Variants in ZNF618 observed in about 807,000 individuals in gnomAD.
ZNF618 encodes the protein zinc finger protein 618, also known as neural precursor cell expressed, developmentally down-regulated 10.
Under a neutral mutation model 103.0 loss-of-function variants are expected in ZNF618, and 34 were observed. The ratio of observed to expected loss-of-function variants is 0.33; its 90% confidence interval spans 0.25 to 0.44. The LOEUF (loss-of-function observed/expected upper bound fraction) is 0.44. Ranked by LOEUF, ZNF618 falls within the 20% of genes least tolerant of loss-of-function variation. The probability of loss-of-function intolerance (pLI) is 1.00; values close to 1 mark genes in which losing one functional copy is unlikely to be tolerated. For synonymous variants in ZNF618, 551 were observed against 542.2 expected (o/e 1.02, Z -0.23); for missense variants, 1,059 against 1,295.4 (o/e 0.82, Z 2.80).
chr9:113,897,143 C>T (rs1379952710), intron 1 of ZNF618, among the ~76,000 whole-genome samples: 2 of 152,046 alleles, frequency 1.3e-5, no homozygotes, highest in African/African-American at 4.8e-5. Flanking sequence ...AACTTACCCC[C>T]GTTTATATTT....
chr9:114,005,707 A>G (rs758576933), intron 6 of ZNF618, among the ~76,000 whole-genome samples: 21 of 152,198 alleles, frequency 1.4e-4, no homozygotes, highest in Non-Finnish European at 2.5e-4. Context: ...GGGTTGCAAA[A>G]GAGACACTGG....
At chr9:113,906,829 G>A (rs117569441) in intron 1 of ZNF618, among the ~76,000 whole-genome samples, 4,095 of 152,332 alleles carry the variant, frequency 0.027, 88 homozygotes, top group Middle Eastern at 0.054. Flanking sequence ...GTATTGGCAT[G>A]CCTACTGAAA....
chr9:113,934,345 C>T (rs13290326), intron 1 of ZNF618, among the ~76,000 whole-genome samples: 70,014 of 151,844 alleles, frequency 0.46, 16,430 homozygotes, highest in Non-Finnish European at 0.5. Context: ...CTCTGGGGTG[C>T]CCCAGGCCCA....
chr9:113,942,341 T>C (rs1181495598), intron 1 of ZNF618, among the ~76,000 whole-genome samples: 1 of 152,166 alleles, frequency 6.6e-6, no homozygotes, highest in African/African-American at 2.4e-5. Flanking sequence ...CTTCCCTCTC[T>C]TCTTTTTTTC....
intron 2 of ZNF618, among the ~76,000 whole-genome samples, chr9:113,975,387 T>A (rs1838379731): frequency 6.6e-6 from 1 of 152,382 alleles, no homozygotes; most frequent in Middle Eastern, 3.4e-3. Flanking sequence ...TTTTATCTGA[T>A]AACCACATGT....
At chr9:113,912,878 C>G (rs548408670) in intron 1 of ZNF618, among the ~76,000 whole-genome samples, 3 of 152,234 alleles carry the variant, frequency 2.0e-5, no homozygotes, top group African/African-American at 7.2e-5. Context: ...GCAACAGTTA[C>G]GAGGATTTTC....
intron 1 of ZNF618, among the ~76,000 whole-genome samples, chr9:113,968,019 C>A (rs1364202001): frequency 6.6e-6 from 1 of 152,158 alleles, no homozygotes; most frequent in Non-Finnish European, 1.5e-5. Flanking sequence ...TTCTCGTAAG[C>A]ACTCATCAAA....
At chr9:114,033,416 A>AGAGAGG (rs1564327159) in intron 12 of ZNF618, among the ~76,000 whole-genome samples, 1 of 149,664 alleles carries the variant, frequency 6.7e-6, no homozygotes, top group Non-Finnish European at 1.5e-5. Context: ...AGAGAGAGAG[A>AGAGAGG]GAGAGCTGTG....
rs73556423 is a variant in ZNF618, at chr9:113,968,979, G to A, written c.34-138G>A. ...TGGGCACAAGTTTGTCCAGCCTGGA[G>A]GAGCGGGACAGGGGCTTGTGGCCAG... On this transcript the variant is annotated intron_variant, in intron 1 of 14. Coordinates refer to ENST00000374126, the MANE Select transcript of ZNF618 (RefSeq NM_001318042.2). 11,330 of 945,112 alleles carry A rather than the reference G, an allele frequency of 0.012. 553 individuals carry two copies. The African/African-American group carries it at 0.13, about 11-fold the overall frequency. 58.5% of individuals were successfully genotyped at this position (945,112 alleles called of 1,614,324 possible). A position where few individuals can be genotyped will look rare whatever the true frequency, so the allele number is the denominator to read the frequency against.
chr9:114,016,525 G>A (rs1216269233), intron 9 of ZNF618, among the ~76,000 whole-genome samples, 170 bp from the exon 10 acceptor site: 1 of 152,128 alleles, frequency 6.6e-6, no homozygotes, highest in Non-Finnish European at 1.5e-5. Context: ...TACCCAGCTC[G>A]AAATGTCTGA....
At chr9:113,959,370 T>A (rs1163809071) in intron 1 of ZNF618, among the ~76,000 whole-genome samples, 1 of 152,078 alleles carries the variant, frequency 6.6e-6, no homozygotes, top group Non-Finnish European at 1.5e-5. Flanking sequence ...TGAAACAACA[T>A]TTAGAACACT....
At chr9:113,955,549 C>A (rs570789753) in intron 1 of ZNF618, among the ~76,000 whole-genome samples, 1 of 152,006 alleles carries the variant, frequency 6.6e-6, no homozygotes, top group East Asian at 1.9e-4. Flanking sequence ...CCCCTATTTT[C>A]CTGGGCTGTT....
intron 1 of ZNF618, among the ~76,000 whole-genome samples, chr9:113,898,655 G>T (rs1478353098): frequency 6.6e-6 from 1 of 152,000 alleles, no homozygotes; most frequent in African/African-American, 2.4e-5. Flanking sequence ...TCAAACTCCT[G>T]GCCTCAAGCA....
chr9:113,899,680 G>T (rs547134221), intron 1 of ZNF618, among the ~76,000 whole-genome samples: 3 of 152,156 alleles, frequency 2.0e-5, no homozygotes, highest in African/African-American at 7.2e-5. Context: ...GCTGGGGACC[G>T]CTGACTTAGA....
chr9:113,904,192 T>C (rs115670155), intron 1 of ZNF618, among the ~76,000 whole-genome samples: 421 of 152,030 alleles, frequency 2.8e-3, no homozygotes, highest in African/African-American at 9.7e-3. Flanking sequence ...CTTTTTTTTT[T>C]TCTAACCTAT....
In ZNF618 at chr9:113,981,978, G is replaced by T. The variant is rs1166599027; in HGVS notation, c.78-6343G>T. 5.3e-5 allele frequency among the ~76,000 whole-genome samples: 8 copies of T among 151,862 alleles called. No individual in the cohort carries two copies. The East Asian group carries it at 1.4e-3, about 26-fold the overall frequency. On this transcript the variant is annotated intron_variant, in intron 2 of 14. Transcript: ENST00000374126. ...GCATGATGAGGTGGGCATGAGCTCT[G>T]TGAAGAACTGTCAGGTGAGACCCAG... is the stretch of plus-strand genomic sequence containing the variant.
In ZNF618 at chr9:113,930,463, A is replaced by AAACTGTGTTTACAATTTATTGT. The variant is rs1833478920; in HGVS notation, c.34-38650_34-38649insGTGTTTACAATTTATTGTAACT. 2.6e-5 allele frequency among the ~76,000 whole-genome samples: 4 copies of AAACTGTGTTTACAATTTATTGT among 152,158 alleles called. No homozygotes were observed. The East Asian group carries it at 5.8e-4, about 22-fold the overall frequency. On this transcript the variant is annotated intron_variant, in intron 1 of 14. Transcript: ENST00000374126. ...GTTTAGGGGGCGCCTATTTTTTTTT[A>AAACTGTGTTTACAATTTATTGT]AACTTGTTCAAAAAAAGCAGGCTTG...
At chr9:113,991,946 AT>A (rs1334605029) in intron 3 of ZNF618, among the ~76,000 whole-genome samples, 1 of 152,210 alleles carries the variant, frequency 6.6e-6, no homozygotes, top group East Asian at 1.9e-4. Flanking sequence ...CTCATCTTGC[AT>A]GCTGGAAGTC....
chr9:113,978,288 C>T (rs1838667268), intron 2 of ZNF618, among the ~76,000 whole-genome samples: 1 of 152,250 alleles, frequency 6.6e-6, no homozygotes, highest in African/African-American at 2.4e-5. Context: ...TTCTCTCTCT[C>T]AGCTCTCCCA....
Sources: gnomAD v4.1 joint callset for allele counts (sites outside exome capture counted in the v4.1 genomes callset) on GRCh38, gnomAD v4.1.1 for gene constraint, MANE v1.5 for transcripts, NCBI Gene and HGNC (gene_info 2026-07-23, HGNC 2026-07-21) for gene names.